The following CPE variants were observed in gnomAD, a reference collection of about 807,000 sequenced individuals.
CPE encodes the protein carbocypeptidase E.
CPE carries 17 observed loss-of-function variants against 53.5 expected under a neutral mutation model. The ratio of observed to expected loss-of-function variants is 0.32; its 90% CI spans 0.22 to 0.48. CPE has a LOEUF of 0.48. Among genes scored for constraint, CPE ranks in the 20% least tolerant of loss-of-function variants. CPE has a pLI of 0.99. For synonymous variants in CPE, 226 were observed against 228.8 expected (o/e 0.99, Z 0.11); for missense variants, 524 against 614.7 (o/e 0.85, Z 1.56).
At chr4:165,477,782 G>C (rs1447481516) in intron 3 of CPE, among the ~76,000 whole-genome samples, 3 of 152,008 alleles carry the variant, frequency 2.0e-5, no homozygotes, top group African/African-American at 7.3e-5. Flanking sequence ...GGCCTGGGGT[G>C]TGTGTGCTTC....
intron 1 of CPE, among the ~76,000 whole-genome samples, chr4:165,444,460 G>C (rs1165123515): frequency 1.3e-5 from 2 of 151,518 alleles, no homozygotes; most frequent in Non-Finnish European, 2.9e-5. Flanking sequence ...TCAGGCATTC[G>C]AGACCAGCCT....
chr4:165,456,197 T>C (rs1731898604), intron 1 of CPE, among the ~76,000 whole-genome samples: 1 of 152,198 alleles, frequency 6.6e-6, no homozygotes, highest in African/African-American at 2.4e-5. Context: ...ACAAATATTT[T>C]AGAAAAACTA....
At chr4:165,467,294 G>C (rs1732121214) in intron 2 of CPE, among the ~76,000 whole-genome samples, 1 of 152,226 alleles carries the variant, frequency 6.6e-6, no homozygotes, top group Non-Finnish European at 1.5e-5. Flanking sequence ...CTGCACCCAA[G>C]CCTGGGCAAC....
At chr4:165,485,184 G>C (rs903887767) in intron 5 of CPE, among the ~76,000 whole-genome samples, 4 of 152,110 alleles carry the variant, frequency 2.6e-5, no homozygotes, top group African/African-American at 9.7e-5. Context: ...CCCCTTCCTA[G>C]GTAGCCAAGG....
chr4:165,431,972 T>C (rs1472889956), intron 1 of CPE, among the ~76,000 whole-genome samples: 1 of 151,734 alleles, frequency 6.6e-6, no homozygotes, highest in Non-Finnish European at 1.5e-5. Flanking sequence ...TCTTTTCCTC[T>C]TACCCCACCC....
intron 1 of CPE, among the ~76,000 whole-genome samples, chr4:165,410,822 CTGTGTGTG>C (rs3073916): frequency 2.0e-5 from 3 of 150,544 alleles, no homozygotes; most frequent in African/African-American, 7.3e-5. Context: ...GGCAGAAAGA[CTGTGTGTG>C]TGTGTGTGTG....
At chr4:165,423,178 C>A (rs760070523) in intron 1 of CPE, among the ~76,000 whole-genome samples, 3 of 152,074 alleles carry the variant, frequency 2.0e-5, no homozygotes, top group Non-Finnish European at 2.9e-5. Context: ...CCTTTGTCCT[C>A]AAGAAATGTC....
At position 165,482,260 on chromosome 4, in the gene CPE, G is replaced by A. The variant is rs971092327; in HGVS notation, c.691G>A (p.Ala231Thr). 3.0e-5 allele frequency: 48 copies of A among 1,613,060 alleles called. No individual in the cohort carries two copies. Among genetic ancestry groups the A allele is most frequent in the Non-Finnish European group, 3.8e-5 (45 of 1,179,404 alleles). ...QNTKLAPETKAVIHWIMDIPF... is the reference protein window; with the variant it reads ...QNTKLAPETKTVIHWIMDIPF... ...TGAACAGCTTGCTCCTGAGACCAAGGCTGTCATTCATTGGATTATGGATAT... is the reference window on the plus strand; with the variant it reads ...TGAACAGCTTGCTCCTGAGACCAAGACTGTCATTCATTGGATTATGGATAT... The change falls in exon 4 of 9, where the codon GCT becomes ACT. Residue 231 changes from alanine to threonine, a missense_variant. Physicochemically the swap from Ala to Thr is moderately conservative, Grantham distance 58. Coordinates refer to ENST00000402744, the MANE Select transcript of CPE (RefSeq NM_001873.4).
chr4:165,394,658 TGGGCCCAGTAGTTCGAG>T (rs61203502), intron 1 of CPE, among the ~76,000 whole-genome samples: 2,507 of 152,294 alleles, frequency 0.016, 61 homozygotes, highest in African/African-American at 0.056. Flanking sequence ...GAGGATTTCT[TGGGCCCAGTAGTTCGAG>T]ACCAGCTTGG....
chr4:165,436,211 C>G (rs1731498475), intron 1 of CPE, among the ~76,000 whole-genome samples: 1 of 152,076 alleles, frequency 6.6e-6, no homozygotes, highest in South Asian at 2.1e-4. Flanking sequence ...CACACACACA[C>G]ACACGTGTGC....
At chr4:165,429,660 C>T (rs36001045) in intron 1 of CPE, among the ~76,000 whole-genome samples, 44,575 of 151,270 alleles carry the variant, frequency 0.29, 6,641 homozygotes, top group Middle Eastern at 0.39. Flanking sequence ...CGAGATCGTG[C>T]CTCTGCACTC....
chr4:165,419,767 T>C (rs1050383223), intron 1 of CPE, among the ~76,000 whole-genome samples: 9 of 152,114 alleles, frequency 5.9e-5, no homozygotes, highest in Admixed American at 3.3e-4. Flanking sequence ...TGAAGAAAGC[T>C]CCAGAAGAGA....
intron 1 of CPE, among the ~76,000 whole-genome samples, chr4:165,432,665 T>C (rs1201159285): frequency 6.6e-6 from 1 of 152,130 alleles, no homozygotes; most frequent in Admixed American, 6.5e-5. Context: ...AGAATGTGAG[T>C]ATCCTCCTTT....
intron 3 of CPE, among the ~76,000 whole-genome samples, chr4:165,481,598 A>G (rs1289009682): frequency 6.6e-6 from 1 of 152,290 alleles, no homozygotes; most frequent in African/African-American, 2.4e-5. Flanking sequence ...TGCTTCCAAG[A>G]TATGAGGGGC....
intron 1 of CPE, among the ~76,000 whole-genome samples, chr4:165,456,948 C>G (rs1047360659): frequency 1.3e-5 from 2 of 151,954 alleles, no homozygotes; most frequent in African/African-American, 4.8e-5. Flanking sequence ...ACCAGCTTGA[C>G]CAGGCTGCTC....
At chr4:165,408,813 G>C (rs898682591) in intron 1 of CPE, among the ~76,000 whole-genome samples, 1 of 152,354 alleles carries the variant, frequency 6.6e-6, no homozygotes, top group South Asian at 2.1e-4. Context: ...TGTGTATCCT[G>C]ATGCTCGAAG....
rs567998176 is a variant in CPE at position 165,481,134 on chromosome 4, G to C, written c.673-1108G>C. 1.7e-4 allele frequency among the ~76,000 whole-genome samples: 26 copies of C among 151,068 alleles called. No homozygotes were observed. The South Asian group carries it at 5.4e-3, about 32-fold the overall frequency. Reference sequence around the variant, plus strand: ...TTAACAGTAGCTTATGTGAAAATAGGATAATTTTAATAGACTAAAGCTGAT... The same window carrying C: ...TTAACAGTAGCTTATGTGAAAATAGCATAATTTTAATAGACTAAAGCTGAT... On this transcript the variant is annotated intron_variant, in intron 3 of 8. Coordinates refer to ENST00000402744, the MANE Select transcript of CPE (RefSeq NM_001873.4).
intron 3 of CPE, among the ~76,000 whole-genome samples, chr4:165,474,710 T>G (rs777610917): frequency 6.6e-6 from 1 of 152,210 alleles, no homozygotes; most frequent in Non-Finnish European, 1.5e-5. Flanking sequence ...CCTTCATCTG[T>G]TTTAATGGTA....
At chr4:165,458,208 G>C (rs12650156) in intron 1 of CPE, among the ~76,000 whole-genome samples, 1 of 152,016 alleles carries the variant, frequency 6.6e-6, no homozygotes, top group African/African-American at 2.4e-5. Context: ...AAATCAGTGC[G>C]GTGATTGTGA....
Sources: gnomAD v4.1 joint callset for allele counts (sites outside exome capture counted in the v4.1 genomes callset) on GRCh38, gnomAD v4.1.1 for gene constraint, MANE v1.5 for transcripts, NCBI Gene and HGNC (gene_info 2026-07-23, HGNC 2026-07-21) for gene names.